PCBP3: variants seen among roughly 807,000 people sequenced by gnomAD.
PCBP3 encodes poly(rC) binding protein 3.
In PCBP3, 25 loss-of-function variants were observed where a neutral mutation model predicts 52.7. The observed-to-expected ratio is 0.47, with a 90% CI of 0.35 to 0.66. The LOEUF is 0.66. Among genes scored for constraint, PCBP3 ranks in the 30% least tolerant of loss-of-function variants. PCBP3 has a pLI of 0.01. For synonymous variants in PCBP3, 162 were observed against 183.0 expected, an observed-to-expected ratio of 0.89 and a Z score of 0.93; for missense variants, 391 against 490.3, an observed-to-expected ratio of 0.80 and a Z score of 1.91.
At chr21:45,894,707 C>T (rs2095779936) in intron 5 of PCBP3, among the ~76,000 whole-genome samples, 1 of 152,216 alleles carries the variant, frequency 6.6e-6, no homozygotes. Flanking sequence ...GGCTGTTTGG[C>T]ACTTTAAATG....
intron 4 of PCBP3, among the ~76,000 whole-genome samples, chr21:45,798,303 T>C (rs542415134): frequency 2.6e-4 from 37 of 143,604 alleles, no homozygotes; most frequent in Admixed American, 9.8e-4. Context: ...CATGGATCCA[T>C]AGAGTGAATG....
intron 3 of PCBP3, among the ~76,000 whole-genome samples, chr21:45,740,690 T>TGTGTGTATGTGTGTGCAGGTGA (rs2086375387): frequency 1.3e-5 from 2 of 151,294 alleles, no homozygotes; most frequent in South Asian, 4.2e-4. Context: ...TACACATGCG[T>TGTGTGTATGTGTGTGCAGGTGA]GTGTGTATGT....
intron 10 of PCBP3, among the ~76,000 whole-genome samples, 172 bp from the exon 11 acceptor site, chr21:45,910,730 A>C (rs922444992): frequency 6.6e-5 from 10 of 151,712 alleles, no homozygotes; most frequent in Non-Finnish European, 1.0e-4. Flanking sequence ...CCGTGGTAGC[A>C]GGGGCAGCAT....
At position 45,895,903 on chromosome 21, in the gene PCBP3, C is replaced by T. The variant is rs569119009; in HGVS notation, c.11-305C>T. 1.1e-3 allele frequency among the ~76,000 whole-genome samples: 172 copies of T among 152,366 alleles called. 3 individuals carry two copies. Among genetic ancestry groups the T allele is most frequent in the African/African-American group, 4.0e-3 (166 of 41,594 alleles). ...CACAGGGGTAGCTCCTGCCAGTCTC[C>T]GGCTGCTGAGAGAGGTGCTTCCGTG... On this transcript the variant is annotated intron_variant, in intron 5 of 17. Transcript: ENST00000681687.
chr21:45,931,281 T>C (rs1295911422), intron 15 of PCBP3, among the ~76,000 whole-genome samples: 1 of 152,178 alleles, frequency 6.6e-6, no homozygotes, highest in Admixed American at 6.5e-5. Context: ...CAGACACAGT[T>C]GTTTGCCTGG....
chr21:45,865,789 CT>C (rs2094698137), intron 5 of PCBP3, among the ~76,000 whole-genome samples: 1 of 152,228 alleles, frequency 6.6e-6, no homozygotes, highest in South Asian at 2.1e-4. Flanking sequence ...ACTGGTGCTG[CT>C]TCTGCACGGC....
intron 2 of PCBP3, among the ~76,000 whole-genome samples, chr21:45,672,558 C>T (rs1165069658): frequency 6.6e-6 from 1 of 152,050 alleles, no homozygotes; most frequent in East Asian, 1.9e-4. Context: ...GTTTCATATG[C>T]CAGTAACTAT....
intron 4 of PCBP3, among the ~76,000 whole-genome samples, chr21:45,773,085 A>G (rs2090002245): frequency 6.6e-6 from 1 of 152,072 alleles, no homozygotes; most frequent in African/African-American, 2.4e-5. Context: ...AATTTAATAT[A>G]GTTCCATTTG....
intron 2 of PCBP3, among the ~76,000 whole-genome samples, chr21:45,701,441 C>G (rs958012004): frequency 1.3e-5 from 2 of 152,136 alleles, no homozygotes; most frequent in African/African-American, 4.8e-5. Context: ...TGGGTTCTAT[C>G]TATTGATAGT....
chr21:45,715,645 GT>G (rs2084165289), intron 2 of PCBP3, among the ~76,000 whole-genome samples: 1 of 152,138 alleles, frequency 6.6e-6, no homozygotes, highest in African/African-American at 2.4e-5. Flanking sequence ...ACCAGCACTT[GT>G]TATTGTCTGT....
chr21:45,932,338 A>G (rs1477297068), intron 15 of PCBP3, among the ~76,000 whole-genome samples: 3 of 151,688 alleles, frequency 2.0e-5, no homozygotes, highest in East Asian at 2.0e-4. Context: ...CACATCAGCC[A>G]TGCTGTCCTG....
intron 2 of PCBP3, among the ~76,000 whole-genome samples, chr21:45,726,698 T>G (rs777165491): frequency 1.5e-4 from 23 of 152,190 alleles, no homozygotes; most frequent in Non-Finnish European, 2.8e-4. Context: ...CACCACGGCA[T>G]TCAGGATGTG....
rs1199582737 is a variant in PCBP3 at position 45,942,421 on chromosome 21, C to T, written c.*715C>T. On this transcript the variant is annotated 3_prime_UTR_variant, in exon 18 of 18. Transcript: ENST00000681687. ...GCGCCAGGGAGCCCCCTCTGTGCTCCTCAGAGTTCAATAAATGTCGTGGCC... is the reference window on the plus strand; with the variant it reads ...GCGCCAGGGAGCCCCCTCTGTGCTCTTCAGAGTTCAATAAATGTCGTGGCC... 1 of 152,150 alleles carries T rather than the reference C, an allele frequency of 6.6e-6. No homozygotes were observed. Among genetic ancestry groups the T allele is most frequent in the Non-Finnish European group, 1.5e-5 (1 of 68,038 alleles). The allele number at this position is 152,150 out of a possible 1,614,324, so 9.4% of individuals were successfully genotyped here. A position where few individuals can be genotyped will look rare whatever the true frequency, so the allele number is the denominator to read the frequency against.
chr21:45,780,533 C>T (rs144642679), intron 4 of PCBP3, among the ~76,000 whole-genome samples: 1 of 152,292 alleles, frequency 6.6e-6, no homozygotes, highest in Non-Finnish European at 1.5e-5. Context: ...TGGCTGATGT[C>T]CTTGTGGCCC....
At chr21:45,766,525 C>T (rs1402910282) in intron 4 of PCBP3, among the ~76,000 whole-genome samples, 1 of 152,250 alleles carries the variant, frequency 6.6e-6, no homozygotes, top group Non-Finnish European at 1.5e-5. Flanking sequence ...CCAACCCAGC[C>T]AGCACCCTGA....
chr21:45,763,301 T>A (rs1448139619), intron 4 of PCBP3: 4 of 152,252 alleles, frequency 2.6e-5, no homozygotes. Context: ...TAATTATTTA[T>A]TCAGCATTCA....
intron 7 of PCBP3, among the ~76,000 whole-genome samples, chr21:45,900,205 G>A (rs1272073558): frequency 3.3e-5 from 5 of 152,306 alleles, no homozygotes; most frequent in South Asian, 2.1e-4. Context: ...TTGAGAGGGC[G>A]CGTCTCTGAG....
At chr21:45,722,653 A>G (rs1193401490) in intron 2 of PCBP3, among the ~76,000 whole-genome samples, 1 of 152,152 alleles carries the variant, frequency 6.6e-6, no homozygotes, top group African/African-American at 2.4e-5. Flanking sequence ...ACAGATACAG[A>G]TTTACTACAC....
chr21:45,922,764 G>A lies in PCBP3; in HGVS notation c.717+5135G>A, dbSNP rs146334631. ...ACCCTGTGAGGCAGATCTCAGGACC[G>A]TGGGGCCAGTTCCACACACGAGGAA... On this transcript the variant is annotated intron_variant, in intron 13 of 17. Transcript: ENST00000681687. 8.5e-5 allele frequency among the ~76,000 whole-genome samples: 13 copies of A among 152,346 alleles called. No homozygotes were observed. In the East Asian group the frequency reaches 2.3e-3, roughly 27 times the overall value.
Sources: allele counts gnomAD v4.1 joint callset (sites outside exome capture counted in the v4.1 genomes callset), GRCh38; gene constraint gnomAD v4.1.1; transcripts MANE v1.5; gene names NCBI Gene and HGNC (gene_info 2026-07-23, HGNC 2026-07-21).